The following COLEC12 variants were observed in gnomAD, a reference collection of about 807,000 sequenced individuals.
The protein encoded by COLEC12 is collectin-12.
Under a neutral mutation model 71.1 loss-of-function variants are expected in COLEC12, and 33 were observed. The observed-to-expected ratio is 0.46, with a 90% CI of 0.35 to 0.62. COLEC12 has a LOEUF of 0.62. COLEC12 is among the 20% of genes least tolerant of loss of function. COLEC12 has a pLI of 0.00. For missense variants in COLEC12, 765 were observed against 916.1 expected (o/e 0.84, Z 2.13); for synonymous variants, 350 against 353.0 (o/e 0.99, Z 0.10).
At chr18:320,155 GAC>G in intron 9 of COLEC12, 91 bp from the exon 10 acceptor site, 1 of 750,932 alleles carries the variant, frequency 1.3e-6, no homozygotes, top group South Asian at 1.6e-5. Flanking sequence ...ATTTTTATAG[GAC>G]AGTGTCTAAA....
At chr18:469,734 C>G (rs1961078984) in intron 2 of COLEC12, among the ~76,000 whole-genome samples, 1 of 152,194 alleles carries the variant, frequency 6.6e-6, no homozygotes. Flanking sequence ...GGATCCCTGA[C>G]ACCCTACTTC....
chr18:323,919 T>G (rs1375519013), intron 8 of COLEC12, among the ~76,000 whole-genome samples: 2 of 152,208 alleles, frequency 1.3e-5, no homozygotes, highest in East Asian at 3.8e-4. Context: ...GAGAAATAAC[T>G]GAGTGATAAG....
chr18:431,289 T>G (rs1165891934), intron 2 of COLEC12, among the ~76,000 whole-genome samples: 1 of 152,112 alleles, frequency 6.6e-6, no homozygotes, highest in Non-Finnish European at 1.5e-5. Flanking sequence ...AAGTGTGAGC[T>G]GCCACGCCCA....
In COLEC12 at chr18:360,753, T is replaced by C. The variant is rs556462604; in HGVS notation, c.59-3231A>G. 1.6e-4 allele frequency among the ~76,000 whole-genome samples: 25 copies of C among 152,328 alleles called. No homozygotes were observed. The South Asian group carries it at 3.1e-3, about 19-fold the overall frequency. ...TAGTTTAGAAGCTGGTCATGATGGA[T>C]TGACCTTTGGTTAACCAATCCCTTG... On this transcript the variant is annotated intron_variant, in intron 2 of 9. Coordinates refer to ENST00000400256, the MANE Select transcript of COLEC12 (RefSeq NM_130386.3).
intron 1 of COLEC12, among the ~76,000 whole-genome samples, chr18:493,445 T>C (rs1445905147): frequency 6.6e-6 from 1 of 152,230 alleles, no homozygotes. Context: ...AGATATGAAA[T>C]ATAATGTAAT....
At chr18:331,601 TC>T (rs1471932513) in intron 8 of COLEC12, 66 bp downstream of exon 8, 33 of 1,018,484 alleles carry the variant, frequency 3.2e-5, no homozygotes, top group Middle Eastern at 2.5e-4. Flanking sequence ...CTGTTGGGAG[TC>T]GGGCAAGAAG....
rs150389967 is a variant in COLEC12 at position 437,479 on chromosome 18, A to G, written c.58+43228T>C. ...AGTCTGTTTCCATAGTCTCCTTTCT[A>G]TCATAGCTCTAATGTCGGTGTTGGC... On this transcript the variant is annotated intron_variant, in intron 2 of 9. Transcript: ENST00000400256. Among the ~76,000 whole-genome samples, 605 of 151,972 alleles carry G rather than the reference A, an allele frequency of 4.0e-3. 5 individuals are homozygous for G. Among genetic ancestry groups the G allele is most frequent in the African/African-American group, 0.014 (575 of 41,406 alleles).
At chr18:494,878 C>T (rs9789175) in intron 1 of COLEC12, among the ~76,000 whole-genome samples, 36 of 152,078 alleles carry the variant, frequency 2.4e-4, no homozygotes, top group African/African-American at 8.2e-4. Flanking sequence ...GTATGATATC[C>T]CATCATTCAG....
intron 2 of COLEC12, among the ~76,000 whole-genome samples, chr18:466,462 C>T (rs1368770585): frequency 2.0e-5 from 3 of 152,090 alleles, no homozygotes; most frequent in East Asian, 1.9e-4. Context: ...AATTTCAGCC[C>T]GTGTGCTGTG....
At chr18:414,160 C>T (rs7231557) in intron 2 of COLEC12, among the ~76,000 whole-genome samples, 49,074 of 152,130 alleles carry the variant, frequency 0.32, 8,481 homozygotes, top group South Asian at 0.55. Context: ...ATAGGAACTC[C>T]ATATTATTTC....
intron 2 of COLEC12, among the ~76,000 whole-genome samples, chr18:440,284 T>G (rs186696141): frequency 1.7e-3 from 254 of 152,062 alleles, no homozygotes; most frequent in African/African-American, 5.8e-3. Flanking sequence ...TAATAATGTA[T>G]AGCATGGTAA....
chr18:361,794 C>T (rs530068433), intron 2 of COLEC12, among the ~76,000 whole-genome samples: 3 of 152,328 alleles, frequency 2.0e-5, no homozygotes, highest in East Asian at 3.9e-4. Context: ...GGGTGCTGGC[C>T]TGACCTCCCG....
intron 8 of COLEC12, among the ~76,000 whole-genome samples, chr18:329,902 CCA>C (rs1331159679): frequency 6.6e-6 from 1 of 152,226 alleles, no homozygotes; most frequent in East Asian, 1.9e-4. Context: ...ACATAGTGGA[CCA>C]CGTCTATCCA....
chr18:412,481 G>T (rs1449472449), intron 2 of COLEC12, among the ~76,000 whole-genome samples: 1 of 106,538 alleles, frequency 9.4e-6, no homozygotes, highest in African/African-American at 3.4e-5. Flanking sequence ...GCTCTAAACA[G>T]AAAAAAAAAA....
intron 2 of COLEC12, among the ~76,000 whole-genome samples, chr18:428,492 G>A (rs1916240048): frequency 6.6e-6 from 1 of 152,136 alleles, no homozygotes; most frequent in African/African-American, 2.4e-5. Context: ...CTAAACAAAT[G>A]GACCACAACA....
chr18:446,880 T>A (rs1055679285), intron 2 of COLEC12, among the ~76,000 whole-genome samples: 1 of 152,184 alleles, frequency 6.6e-6, no homozygotes. Context: ...AATTTAAAGG[T>A]CCTGAGGCAC....
At chr18:427,988 G>A (rs1034529271) in intron 2 of COLEC12, among the ~76,000 whole-genome samples, 2 of 152,180 alleles carry the variant, frequency 1.3e-5, no homozygotes, top group African/African-American at 4.8e-5. Flanking sequence ...TTCCTGGCCG[G>A]GCGTGGTGGC....
At chr18:433,561 T>C (rs1422000478) in intron 2 of COLEC12, among the ~76,000 whole-genome samples, 1 of 152,138 alleles carries the variant, frequency 6.6e-6, no homozygotes, top group Non-Finnish European at 1.5e-5. Context: ...CATCAAGCTG[T>C]TACTCAGCCC....
chr18:495,201 T>C (rs1299061422), intron 1 of COLEC12, among the ~76,000 whole-genome samples: 1 of 152,242 alleles, frequency 6.6e-6, no homozygotes, highest in Non-Finnish European at 1.5e-5. Flanking sequence ...ATCAAATCAC[T>C]GCTTGACTAA....
Sources: gnomAD v4.1 joint callset for allele counts (sites outside exome capture counted in the v4.1 genomes callset) on GRCh38, gnomAD v4.1.1 for gene constraint, MANE v1.5 for transcripts, NCBI Gene and HGNC (gene_info 2026-07-23, HGNC 2026-07-21) for gene names.